ARIH1: variants seen among roughly 807,000 people sequenced by gnomAD.
ARIH1 encodes E3 ubiquitin-protein ligase ARIH1.
In ARIH1, 8 loss-of-function variants were observed where a neutral mutation model predicts 85.0. The observed-to-expected ratio is 0.09, with a 90% confidence interval of 0.06 to 0.17. The LOEUF (loss-of-function observed/expected upper bound fraction) is 0.17. ARIH1 is among the 10% of genes least tolerant of loss of function. The pLI, the probability that ARIH1 is intolerant of heterozygous loss-of-function variation, is 1.00. For missense variants in ARIH1, 311 were observed against 718.1 expected (o/e 0.43, Z 6.48); for synonymous variants, 238 against 253.6 (o/e 0.94, Z 0.59).
intron 9 of ARIH1, 42 bp from the exon 10 acceptor site, chr15:72,570,135 C>T (rs1184273013): frequency 6.2e-7 from 1 of 1,602,566 alleles, no homozygotes. Context: ...GTAATGCAAC[C>T]TAGTGTAGCA....
chr15:72,524,273 G>A (rs775440172), intron 2 of ARIH1, among the ~76,000 whole-genome samples: 5 of 143,814 alleles, frequency 3.5e-5, no homozygotes, highest in Non-Finnish European at 4.5e-5. Context: ...GATGGATGGA[G>A]TCTTGCTCGG....
intron 3 of ARIH1, among the ~76,000 whole-genome samples, chr15:72,553,387 C>A (rs903013243): frequency 2.6e-5 from 4 of 152,166 alleles, no homozygotes. Flanking sequence ...TAAATCTTTT[C>A]ATAACAGGTT....
chr15:72,487,887 AT>A (rs1387987721), intron 1 of ARIH1, among the ~76,000 whole-genome samples: 1 of 152,060 alleles, frequency 6.6e-6, no homozygotes, highest in Non-Finnish European at 1.5e-5. Context: ...AACATAGCTA[AT>A]TTTTTTCAAT....
Position 72,487,537 on chromosome 15 carries a change from CAAATTT to C in ARIH1, c.375+12526_375+12531del, listed in dbSNP as rs1383707057. 5.9e-5 allele frequency among the ~76,000 whole-genome samples: 9 copies of C among 152,252 alleles called. No homozygotes were observed. In the East Asian group the frequency reaches 1.7e-3, roughly 29 times the overall value. ...ATTTATCTGAAACTTACTTGAAACT[CAAATTT>C]AATACCTTCTCTCTTTGAGGCTTTT... On this transcript the variant is annotated intron_variant, in intron 1 of 13. Coordinates refer to ENST00000379887, the MANE Select transcript of ARIH1 (RefSeq NM_005744.5).
rs1351823325 is a variant in ARIH1 at position 72,591,203 on chromosome 15, CAGAG to C, written c.*7915_*7918del. ...CACCACTGCACTCCAGCCTGGGCGACAGAGAGACTCTGTCTCAAAAAAAAAAAAA... is the reference window on the plus strand; with the variant it reads ...CACCACTGCACTCCAGCCTGGGCGACAGACTCTGTCTCAAAAAAAAAAAAA... On this transcript the variant is annotated 3_prime_UTR_variant, in exon 14 of 14. Transcript: ENST00000379887. 4.5e-5 allele frequency: 5 copies of C among 110,272 alleles called. No homozygotes were observed. The highest frequency in any genetic ancestry group is 7.6e-5 in the African/African-American group (2 of 26,428). 6.8% of individuals were successfully genotyped at this position (110,272 alleles called of 1,614,324 possible). A position where few individuals can be genotyped will look rare whatever the true frequency, so the allele number is the denominator to read the frequency against.
intron 2 of ARIH1, among the ~76,000 whole-genome samples, chr15:72,542,253 GC>G (rs1438441220): frequency 1.3e-5 from 2 of 152,154 alleles, no homozygotes. Flanking sequence ...CAGTGGAGTA[GC>G]ACGATAAATG....
chr15:72,602,187 C>T lies in ARIH1; in HGVS notation c.*18895C>T, dbSNP rs986995960. ...ACATCTATGCCTATAGAATAAATTA[C>T]TAGAATTGAAATAATTCAGTTAAAG... On this transcript the variant is annotated 3_prime_UTR_variant, in exon 14 of 14. Transcript: ENST00000379887. 2 of 152,198 alleles carry T rather than the reference C, an allele frequency of 1.3e-5. No homozygotes were observed. Among genetic ancestry groups the T allele is most frequent in the African/African-American group, 4.8e-5 (2 of 41,452 alleles). The allele number at this position is 152,198 out of a possible 1,614,324, so 9.4% of individuals were successfully genotyped here.
intron 1 of ARIH1, among the ~76,000 whole-genome samples, chr15:72,478,612 A>C (rs749133061): frequency 6.6e-6 from 1 of 152,174 alleles, no homozygotes; most frequent in Non-Finnish European, 1.5e-5. Context: ...CCTAAGGAGC[A>C]TATAGGGATA....
At chr15:72,501,367 C>A (rs777554495) in intron 1 of ARIH1, among the ~76,000 whole-genome samples, 4 of 152,038 alleles carry the variant, frequency 2.6e-5, no homozygotes, top group Non-Finnish European at 2.9e-5. Flanking sequence ...TGTTATTGAA[C>A]AAAATCTTAT....
At position 72,598,330 on chromosome 15, in the gene ARIH1, T is replaced by A. The variant is rs1231875746; in HGVS notation, c.*15038T>A. ...ATTTTCTAGCTCATCTGGCCTTTTG[T>A]TGTTGTTTGCTAGAGTGGGAGGTAT... On this transcript the variant is annotated 3_prime_UTR_variant, in exon 14 of 14. Coordinates refer to ENST00000379887, the MANE Select transcript of ARIH1 (RefSeq NM_005744.5). The A allele has an allele frequency of 6.6e-6, 1 of 152,166 alleles. No individual in the cohort carries two copies. The highest frequency in any genetic ancestry group is 1.9e-4 in the East Asian group (1 of 5,202). 9.4% of individuals were successfully genotyped at this position (152,166 alleles called of 1,614,324 possible). A position where few individuals can be genotyped will look rare whatever the true frequency, so the allele number is the denominator to read the frequency against.
At chr15:72,554,192 T>C (rs2064165009) in intron 3 of ARIH1, among the ~76,000 whole-genome samples, 3 of 152,190 alleles carry the variant, frequency 2.0e-5, no homozygotes, top group Admixed American at 1.3e-4. Context: ...TGTACAAGTT[T>C]TTGTATGGAT....
intron 3 of ARIH1, among the ~76,000 whole-genome samples, chr15:72,551,085 A>G (rs1157206262): frequency 1.6e-4 from 25 of 152,218 alleles, no homozygotes; most frequent in Admixed American, 1.6e-3. Flanking sequence ...CATAAGTAAC[A>G]TCAGAAATTT....
intron 1 of ARIH1, among the ~76,000 whole-genome samples, chr15:72,510,042 G>C (rs1196196248): frequency 6.6e-6 from 1 of 152,014 alleles, no homozygotes; most frequent in African/African-American, 2.4e-5. Context: ...TCAGCCTCCT[G>C]AGTACCTGGG....
chr15:72,496,761 C>T, intron 1 of ARIH1: 1 of 975,546 alleles, frequency 1.0e-6, no homozygotes, highest in Non-Finnish European at 1.2e-6. Flanking sequence ...GCCGCTGTGG[C>T]CCATTGATCT....
chr15:72,482,301 T>C (rs2063819675), intron 1 of ARIH1, among the ~76,000 whole-genome samples: 1 of 152,206 alleles, frequency 6.6e-6, no homozygotes. Flanking sequence ...AAGTCCTGTT[T>C]AAAGGAATAT....
intron 11 of ARIH1, among the ~76,000 whole-genome samples, chr15:72,573,796 A>T (rs544684310): frequency 1.3e-5 from 2 of 152,108 alleles, no homozygotes; most frequent in African/African-American, 2.4e-5. Context: ...AATCAGTGAA[A>T]CTCAAGTAAA....
intron 3 of ARIH1, among the ~76,000 whole-genome samples, chr15:72,548,552 A>G (rs913312134): frequency 1.3e-5 from 2 of 152,178 alleles, no homozygotes; most frequent in Non-Finnish European, 1.5e-5. Flanking sequence ...AAGGAACAAC[A>G]TGGGTTGGCA....
At chr15:72,492,447 G>T (rs568401932) in intron 1 of ARIH1, among the ~76,000 whole-genome samples, 202 of 152,236 alleles carry the variant, frequency 1.3e-3, no homozygotes, top group South Asian at 4.1e-3. Flanking sequence ...AAGTTCTCAG[G>T]TGAGCTTATT....
intron 2 of ARIH1, among the ~76,000 whole-genome samples, chr15:72,541,047 A>G (rs956026828): frequency 6.6e-6 from 1 of 152,152 alleles, no homozygotes; most frequent in Non-Finnish European, 1.5e-5. Context: ...GGCCAACGCT[A>G]GTATGGAGGC....
Sources: allele counts gnomAD v4.1 joint callset (sites outside exome capture counted in the v4.1 genomes callset), GRCh38; gene constraint gnomAD v4.1.1; transcripts MANE v1.5; gene names NCBI Gene and HGNC (gene_info 2026-07-23, HGNC 2026-07-21).